The following CPNE2 variants were observed in gnomAD, a reference collection of about 807,000 sequenced individuals.
CPNE2 encodes copine 2.
A neutral mutation model predicts 69.7 loss-of-function variants in CPNE2; 42 were observed. The observed-to-expected ratio is 0.60, with a 90% confidence interval of 0.47 to 0.78. The LOEUF (loss-of-function observed/expected upper bound fraction) is 0.78, where lower values mean the gene tolerates loss of function less well. Ranked by LOEUF, CPNE2 falls within the 30% of genes least tolerant of loss-of-function variation. The probability of loss-of-function intolerance (pLI) is 0.00; values close to 1 mark genes in which losing one functional copy is unlikely to be tolerated. For synonymous variants in CPNE2, 294 were observed against 289.8 expected (o/e 1.01, Z -0.15); for missense variants, 587 against 732.0 (o/e 0.80, Z 2.29).
Position 57,092,628 on chromosome 16 carries a change from G to A in CPNE2, c.-198G>A, listed in dbSNP as rs561444256. ...AGGAGGACCGGACCCCGAGCGGCTG[G>A]GAGCGCACGCGAGCGGGCCGTGGCC... On this transcript the variant is annotated 5_prime_UTR_variant, in exon 1 of 16. Transcript: ENST00000290776. The surrounding 1 kb of genome is among the most constrained non-coding windows in gnomAD (Gnocchi z 5.3). 32 of 149,104 alleles carry A rather than the reference G, an allele frequency of 2.1e-4. No individual in the cohort carries two copies. Among genetic ancestry groups the A allele is most frequent in the Non-Finnish European group, 4.5e-4 (30 of 66,574 alleles). 9.2% of individuals were successfully genotyped at this position (149,104 alleles called of 1,614,324 possible).
At chr16:57,102,719 A>G (rs1209023449) in intron 1 of CPNE2, among the ~76,000 whole-genome samples, 1 of 151,398 alleles carries the variant, frequency 6.6e-6, no homozygotes, top group Non-Finnish European at 1.5e-5. Context: ...CTTTTGCCTC[A>G]GCCTCTGAAG....
At chr16:57,102,966 T>C (rs1384470794) in intron 1 of CPNE2, among the ~76,000 whole-genome samples, 1 of 152,076 alleles carries the variant, frequency 6.6e-6, no homozygotes, top group Non-Finnish European at 1.5e-5. Context: ...CCCCCAAATT[T>C]TTTATCTACT....
chr16:57,122,553 A>C (rs1200662828), intron 9 of CPNE2, among the ~76,000 whole-genome samples: 1 of 152,152 alleles, frequency 6.6e-6, no homozygotes, highest in African/African-American at 2.4e-5. Flanking sequence ...CACCTGCCTT[A>C]CTTATTTTTT....
chr16:57,138,640 C>G (rs2069900226), intron 14 of CPNE2, among the ~76,000 whole-genome samples: 1 of 14,248 alleles, frequency 7.0e-5, no homozygotes, highest in Non-Finnish European at 1.3e-4. Flanking sequence ...CCCCAAGCAG[C>G]CTTCCCTGAC....
Position 57,121,751 on chromosome 16 carries a change from A to G in CPNE2, c.858A>G (p.Arg286=), listed in dbSNP as rs1336735664. The G allele has an allele frequency of 6.8e-6, 11 of 1,614,204 alleles. No individual in the cohort carries two copies. Among genetic ancestry groups the G allele is most frequent in the Non-Finnish European group, 9.3e-6 (11 of 1,180,036 alleles). The change falls in exon 9 of 16, where the codon CGA becomes CGG. Residue 286 remains arginine, a synonymous_variant. Coordinates refer to ENST00000290776, the MANE Select transcript of CPNE2 (RefSeq NM_152727.6). ...AAAACTCGGGCATCATCATCCTGCGATCCTGCAAGGTGAACCAGCGTGGGC... is the reference window on the plus strand; with the variant it reads ...AAAACTCGGGCATCATCATCCTGCGGTCCTGCAAGGTGAACCAGCGTGGGC... ...NYKNSGIIIL[R]SCKINRDYSF...
chr16:57,110,507 C>A, intron 1 of CPNE2: 1 of 321,116 alleles, frequency 3.1e-6, no homozygotes. Context: ...TGAGCCACTG[C>A]GCTCAGCTGA....
chr16:57,132,875 G>A (rs1470276618), intron 12 of CPNE2, among the ~76,000 whole-genome samples: 1 of 152,052 alleles, frequency 6.6e-6, no homozygotes, highest in Non-Finnish European at 1.5e-5. Flanking sequence ...TGGGGCAGAT[G>A]GACAACCTTC....
At chr16:57,124,363 T>A (rs143284103) in intron 10 of CPNE2, 5 of 456,284 alleles carry the variant, frequency 1.1e-5, no homozygotes, top group African/African-American at 2.0e-5. Flanking sequence ...ATTACAGGCA[T>A]GAGTCACTGG....
rs1188228997 is a variant in CPNE2 at position 57,147,589 on chromosome 16, G to A, written c.1578G>A (p.Glu526=). The change falls in exon 16 of 16, where the codon GAG becomes GAA. Residue 526 remains glutamate (E), a synonymous_variant. Transcript: ENST00000290776. ...CCTTGGCCAAAGCTGTGCTGGCGGA[G>A]CTGCCCCAACAAGTTGTGCAGTATT... The part of the protein sequence containing the change: ...KETLAKAVLA[E]LPQQVVQYFK... 10 of 1,609,898 alleles carry A rather than the reference G, an allele frequency of 6.2e-6. No individual in the cohort carries two copies. The highest frequency in any genetic ancestry group is 8.5e-6 in the Non-Finnish European group (10 of 1,177,096).
intron 12 of CPNE2, 61 bp downstream of exon 12, chr16:57,127,964 C>T (rs1278739819): frequency 4.6e-6 from 7 of 1,515,414 alleles, no homozygotes; most frequent in Admixed American, 1.7e-5. Context: ...TGTGGCCTCT[C>T]GGGGATCAGC....
chr16:57,130,947 G>A lies in CPNE2; in HGVS notation c.1116+3044G>A, dbSNP rs1172311581. 2.0e-5 allele frequency among the ~76,000 whole-genome samples: 3 copies of A among 152,092 alleles called. No homozygotes were observed. Among genetic ancestry groups the A allele is most frequent in the Non-Finnish European group, 4.4e-5 (3 of 68,012 alleles). ...TGTGGGTAGTCCTGGGGCAGGAGGC[G>A]GGGGCTCCTCATAGAACCACGGGCA... On this transcript the variant is annotated intron_variant, in intron 12 of 15. Coordinates refer to ENST00000290776, the MANE Select transcript of CPNE2 (RefSeq NM_152727.6). This position sits in a 1 kb window ranked among gnomAD's most constrained non-coding sequence, Gnocchi z 4.1.
At chr16:57,121,646 G>T in intron 8 of CPNE2, 28 bp from the exon 9 acceptor site, 1 of 1,608,764 alleles carries the variant, frequency 6.2e-7, no homozygotes, top group Non-Finnish European at 8.5e-7. Context: ...GCCCCGAGGT[G>T]AGTGTCTCTT....
At chr16:57,113,836 T>C (rs2069697932) in intron 3 of CPNE2, among the ~76,000 whole-genome samples, 1 of 152,248 alleles carries the variant, frequency 6.6e-6, no homozygotes, top group Non-Finnish European at 1.5e-5. Flanking sequence ...TTTCCCTCTC[T>C]GGGCCACACT....
Position 57,147,705 on chromosome 16 carries a change from C to A in CPNE2, c.*47C>A. 1 of 1,301,454 alleles carries A rather than the reference C, an allele frequency of 7.7e-7. No individual in the cohort carries two copies. The highest frequency in any genetic ancestry group is 1.1e-6 in the Non-Finnish European group (1 of 936,406). The allele number at this position is 1,301,454 out of a possible 1,614,324, so 80.6% of individuals were successfully genotyped here. ...ATGTCAGCTGAGCCTCCTGCCCTCC[C>A]CCAGGAACATGCACGCTCACTCTGC... is the stretch of plus-strand genomic sequence containing the variant. On this transcript the variant is annotated 3_prime_UTR_variant, in exon 16 of 16. Transcript: ENST00000290776.
At chr16:57,132,902 G>T (rs759729135) in intron 12 of CPNE2, among the ~76,000 whole-genome samples, 6 of 152,180 alleles carry the variant, frequency 3.9e-5, no homozygotes, top group Non-Finnish European at 8.8e-5. Flanking sequence ...CCCCCTGACC[G>T]CAAGGCTGGG....
chr16:57,106,790 T>C (rs1303039464), intron 1 of CPNE2, among the ~76,000 whole-genome samples: 2 of 152,138 alleles, frequency 1.3e-5, no homozygotes, highest in Non-Finnish European at 1.5e-5. Context: ...ACTTGGATAC[T>C]CTGGGGCCCA....
intron 1 of CPNE2, among the ~76,000 whole-genome samples, chr16:57,109,512 A>G (rs1241394348): frequency 6.6e-6 from 1 of 151,984 alleles, no homozygotes; most frequent in Admixed American, 6.6e-5. Flanking sequence ...GAATAAAAGA[A>G]TGGCTACTCC....
intron 1 of CPNE2, among the ~76,000 whole-genome samples, chr16:57,105,341 C>T (rs1367920395): frequency 6.6e-6 from 1 of 152,124 alleles, no homozygotes; most frequent in African/African-American, 2.4e-5. Context: ...TGTGGCTCAG[C>T]ACCAATGTCC....
intron 12 of CPNE2, 57 bp from the exon 13 acceptor site, chr16:57,134,715 TGGC>T (rs2069864677): frequency 3.8e-6 from 6 of 1,594,256 alleles, no homozygotes; most frequent in Admixed American, 3.3e-5. Flanking sequence ...CAGTGGGTGG[TGGC>T]CTGGGTCTGG....
Sources: allele counts gnomAD v4.1 joint callset (sites outside exome capture counted in the v4.1 genomes callset), GRCh38; gene constraint gnomAD v4.1.1; non-coding constraint Gnocchi (gnomAD v3.1); transcripts MANE v1.5; gene names NCBI Gene and HGNC (gene_info 2026-07-23, HGNC 2026-07-21).